Variants in GMCL1 observed in about 807,000 individuals in gnomAD.
GMCL1 encodes the protein germ cell-less 1, spermatogenesis associated.
In GMCL1, 54 loss-of-function variants were observed where a neutral mutation model predicts 75.5. The observed-to-expected ratio is 0.71, with a 90% CI of 0.57 to 0.90. The LOEUF (loss-of-function observed/expected upper bound fraction) is 0.90. Among genes scored for constraint, GMCL1 ranks in the 40% least tolerant of loss-of-function variants. The pLI, the probability that GMCL1 is intolerant of heterozygous loss-of-function variation, is 0.00. For synonymous variants in GMCL1, 210 were observed against 209.6 expected (o/e 1.00, Z -0.02); for missense variants, 537 against 622.7 (o/e 0.86, Z 1.47).
At chr2:69,877,341 T>A (rs1481877995) in intron 13 of GMCL1, among the ~76,000 whole-genome samples, 1 of 152,198 alleles carries the variant, frequency 6.6e-6, no homozygotes, top group Non-Finnish European at 1.5e-5. Flanking sequence ...TCCTTCTTTC[T>A]CCAGAGTTGG....
chr2:69,867,761 T>C (rs970479222), intron 11 of GMCL1, among the ~76,000 whole-genome samples: 1 of 152,164 alleles, frequency 6.6e-6, no homozygotes, highest in Non-Finnish European at 1.5e-5. Flanking sequence ...CCGTACCCCA[T>C]TGGGTTCCAC....
At chr2:69,861,924 C>T (rs1019057425) in intron 10 of GMCL1, among the ~76,000 whole-genome samples, 1 of 151,904 alleles carries the variant, frequency 6.6e-6, no homozygotes, top group Non-Finnish European at 1.5e-5. Context: ...CTCTACTAAA[C>T]CCTGGAAGTG....
rs1357487235 is a variant in GMCL1, at chr2:69,864,968, A to G, written c.1211A>G (p.Asp404Gly). The G allele has an allele frequency of 6.2e-7, 1 of 1,611,188 alleles. No homozygotes were observed. Among genetic ancestry groups the G allele is most frequent in the East Asian group, 2.2e-5 (1 of 44,834 alleles). ...AGGTGTGGTAGAAAGCTTGCCAAAG[A>G]TGGTGAAGTAAGTATGGGTTGTGAC... is the stretch of plus-strand genomic sequence containing the variant. The part of the protein sequence containing the change: ...SMRCGRKLAK[D>G]GEYCWRWTGF... The change falls in exon 11 of 14, where the codon GAT becomes GGT. Residue 404 changes from aspartate to glycine, a missense_variant. By Grantham distance (94) the Asp-to-Gly change is moderately conservative. Around this residue, in one of 3 missense-constraint regions of GMCL1, gnomAD observed 345 missense variants for 410.5 expected, o/e 0.84. Transcript: ENST00000282570.
chr2:69,876,376 C>T (rs989643813), intron 13 of GMCL1, among the ~76,000 whole-genome samples: 1 of 152,048 alleles, frequency 6.6e-6, no homozygotes, highest in African/African-American at 2.4e-5. Flanking sequence ...ATTTAATTTA[C>T]AGTAGTGGTT....
At chr2:69,856,065 A>G (rs1675458649) in intron 9 of GMCL1, among the ~76,000 whole-genome samples, 1 of 152,154 alleles carries the variant, frequency 6.6e-6, no homozygotes, top group Non-Finnish European at 1.5e-5. Flanking sequence ...ATCAGAAAGA[A>G]TTTAGATCCT....
At chr2:69,865,970 G>A (rs1573368381) in intron 11 of GMCL1, among the ~76,000 whole-genome samples, 1 of 152,054 alleles carries the variant, frequency 6.6e-6, no homozygotes, top group Non-Finnish European at 1.5e-5. Flanking sequence ...ACTGATTGTG[G>A]CTGGGCACGG....
intron 1 of GMCL1, among the ~76,000 whole-genome samples, chr2:69,833,151 T>C (rs974520538): frequency 6.6e-6 from 1 of 152,180 alleles, no homozygotes; most frequent in Non-Finnish European, 1.5e-5. Flanking sequence ...ATATTTACTA[T>C]CTAGACCTTT....
In GMCL1 at chr2:69,878,911, A is replaced by G. The variant is rs777160227; in HGVS notation, c.1455A>G (p.Glu485=). 7 of 1,600,558 alleles carry G rather than the reference A, an allele frequency of 4.4e-6. No homozygotes were observed. Among genetic ancestry groups the G allele is most frequent in the Non-Finnish European group, 6.0e-6 (7 of 1,168,038 alleles). Residue 485 remains glutamate (E), a splice_region_variant and synonymous_variant, in exon 14 of 14, where the codon GAA becomes GAG. Coordinates refer to ENST00000282570, the MANE Select transcript of GMCL1 (RefSeq NM_178439.5). ...GAATCTACAAATCTGTCTTATAGGAACAAGTGGTGATGAACTTGGACAGCA... is the reference window on the plus strand; with the variant it reads ...GAATCTACAAATCTGTCTTATAGGAGCAAGTGGTGATGAACTTGGACAGCA... ...YQILTLEKDQ[E]QVVMNLDSRL...
intron 8 of GMCL1, among the ~76,000 whole-genome samples, chr2:69,850,103 C>T (rs1411158121): frequency 1.3e-5 from 2 of 152,168 alleles, no homozygotes; most frequent in East Asian, 3.8e-4. Context: ...ACAAGCTATA[C>T]CCCGTCAGGC....
intron 13 of GMCL1, among the ~76,000 whole-genome samples, chr2:69,876,469 G>A (rs1676132376): frequency 6.6e-6 from 1 of 152,122 alleles, no homozygotes; most frequent in South Asian, 2.1e-4. Flanking sequence ...TTCTGTTTAG[G>A]GCATGTTTAA....
At chr2:69,873,521 TG>T (rs1421520502) in intron 13 of GMCL1, 1 of 151,884 alleles carries the variant, frequency 6.6e-6, no homozygotes, top group Admixed American at 6.6e-5. Context: ...TTTTTAATGG[TG>T]AAAAACATAT....
rs563794705 is a variant in GMCL1 at position 69,862,610 on chromosome 2, TTAGCTGGGTGTGG to T, written c.1142+1268_1142+1280del. 2.3e-4 allele frequency among the ~76,000 whole-genome samples: 35 copies of T among 151,970 alleles called. 1 individual carries two copies. In the South Asian group the frequency reaches 7.3e-3, roughly 32 times the overall value. On this transcript the variant is annotated intron_variant, in intron 10 of 13. Transcript: ENST00000282570. ...CCCTGTCTCTACTAAAAATACAAAA[TTAGCTGGGTGTGG>T]TAGCGCATGCCTGTAATCCCAGCTA...
chr2:69,839,734 T>C lies in GMCL1; in HGVS notation c.481+181T>C, dbSNP rs554091445. Among the ~76,000 whole-genome samples, 98 of 152,328 alleles carry C rather than the reference T, an allele frequency of 6.4e-4. 2 individuals carry two copies. The highest frequency in any genetic ancestry group is 3.4e-3 in the Middle Eastern group (1 of 294). On this transcript the variant is annotated intron_variant, in intron 3 of 13. Coordinates refer to ENST00000282570, the MANE Select transcript of GMCL1 (RefSeq NM_178439.5). The stretch of plus-strand genomic sequence containing the variant: ...TCAGTTCTGTCCATCTTATCACTAA[T>C]CTGTTTTGTCATTTGGGCCTTATCA...
chr2:69,844,140 A>G lies in GMCL1; in HGVS notation c.702A>G (p.Glu234=), dbSNP rs1247481175. ...GLDSVKKKCL[E]WLLNNLMTHQ... is the part of the protein sequence containing the mutation. ...TATATTTTAATTTCAGGTGCCTTGA[A>G]TGGCTTCTAAACAATTTGATGACTC... The change falls in exon 6 of 14, where the codon GAA becomes GAG. Residue 234 remains glutamate, a synonymous_variant. Transcript: ENST00000282570. The G allele has an allele frequency of 4.5e-6, 7 of 1,553,282 alleles. No individual in the cohort carries two copies. In the East Asian group the frequency reaches 6.9e-5, roughly 15 times the overall value.
chr2:69,881,282 TTTG>T lies in GMCL1; in HGVS notation c.*2281_*2283del, dbSNP rs1676266365. 6.6e-6 allele frequency: 1 copy of T among 152,236 alleles called. No individual in the cohort carries two copies. Among genetic ancestry groups the T allele is most frequent in the South Asian group, 2.1e-4 (1 of 4,836 alleles). The allele number at this position is 152,236 out of a possible 1,614,324, so 9.4% of individuals were successfully genotyped here. A position where few individuals can be genotyped will look rare whatever the true frequency, so the allele number is the denominator to read the frequency against. ...TTCACACTGGTAGTAAAGATGTGCT[TTTG>T]TTTTCTTACCAAATATTTTTATGTG... is the stretch of plus-strand genomic sequence containing the variant. On this transcript the variant is annotated 3_prime_UTR_variant, in exon 14 of 14. Transcript: ENST00000282570.
chr2:69,848,020 G>A (rs553239588), intron 7 of GMCL1, among the ~76,000 whole-genome samples: 86 of 152,128 alleles, frequency 5.7e-4, no homozygotes, highest in Middle Eastern at 3.4e-3. Flanking sequence ...TCTTTTAAAG[G>A]CCTGTTTGTG....
At chr2:69,861,986 A>G (rs1373562258) in intron 10 of GMCL1, among the ~76,000 whole-genome samples, 1 of 152,078 alleles carries the variant, frequency 6.6e-6, no homozygotes, top group Non-Finnish European at 1.5e-5. Flanking sequence ...CCTGGGGGAT[A>G]AAGTGAGACT....
At chr2:69,872,809 C>A (rs1046805230) in intron 13 of GMCL1, among the ~76,000 whole-genome samples, 1 of 152,204 alleles carries the variant, frequency 6.6e-6, no homozygotes, top group African/African-American at 2.4e-5. Flanking sequence ...GCTGAACAGA[C>A]AATGACTATC....
At chr2:69,878,756 C>G (rs1038339476) in intron 13 of GMCL1, among the ~76,000 whole-genome samples, 153 bp from the exon 14 acceptor site, 2 of 152,146 alleles carry the variant, frequency 1.3e-5, no homozygotes, top group Non-Finnish European at 2.9e-5. Flanking sequence ...CTGCATTTGA[C>G]AAGGTCACAC....
Sources: allele counts gnomAD v4.1 joint callset (sites outside exome capture counted in the v4.1 genomes callset), GRCh38; gene constraint gnomAD v4.1.1; regional missense constraint gnomAD v4.1.1; transcripts MANE v1.5; gene names NCBI Gene and HGNC (gene_info 2026-07-23, HGNC 2026-07-21).